Variants in PRPSAP1 observed in about 807,000 individuals in gnomAD.
The protein encoded by PRPSAP1 is phosphoribosyl pyrophosphate synthetase associated protein 1.
Under a neutral mutation model 39.4 loss-of-function variants are expected in PRPSAP1, and 31 were observed. The observed-to-expected ratio is 0.79, with a 90% confidence interval of 0.59 to 1.06. The LOEUF (loss-of-function observed/expected upper bound fraction) is 1.06. PRPSAP1 is among the 50% of genes least tolerant of loss of function. The pLI is 0.00. For missense variants in PRPSAP1, 430 were observed against 511.6 expected (o/e 0.84, Z 1.54); for synonymous variants, 212 against 192.6 (o/e 1.10, Z -0.83).
intron 3 of PRPSAP1, among the ~76,000 whole-genome samples, chr17:76,339,694 C>T (rs1326951663): frequency 1.3e-5 from 2 of 151,566 alleles, no homozygotes; most frequent in Non-Finnish European, 1.5e-5. Flanking sequence ...TCAGAAGTAC[C>T]CATTTATACC....
chr17:76,330,927 A>G (rs1167511671), intron 4 of PRPSAP1, among the ~76,000 whole-genome samples: 2 of 152,224 alleles, frequency 1.3e-5, no homozygotes, highest in Admixed American at 6.5e-5. Flanking sequence ...AAAATTGAGA[A>G]AAGAATAATG....
Position 76,353,669 on chromosome 17 carries a change from G to A in PRPSAP1, c.35C>T (p.Ser12Phe), listed in dbSNP as rs1180842670. The A allele has an allele frequency of 3.3e-6, 5 of 1,520,732 alleles. No individual in the cohort carries two copies. The East Asian group carries it at 1.1e-4, about 32-fold the overall frequency. The allele number at this position is 1,520,732 out of a possible 1,614,324, so 94.2% of individuals were successfully genotyped here. ...PKKLLLLPPP[S>F]ASSAFRVPRA... ...CGGGACGCGGAAAGCCGAGGACGCG[G>A]AGGGCGGGGGCAACAGCAGCAGCTT... is the stretch of plus-strand genomic sequence containing the variant. Residue 12 changes from serine to phenylalanine, a missense_variant, in exon 1 of 10, where the codon TCC (serine) becomes TTC (phenylalanine). Transcript: ENST00000446526.
chr17:76,344,566 AAT>A (rs2071475606), intron 3 of PRPSAP1, 103 bp downstream of exon 3: 3 of 1,055,632 alleles, frequency 2.8e-6, no homozygotes, highest in Non-Finnish European at 4.2e-6. Flanking sequence ...GCCCGGCCTG[AAT>A]ATATAACTTT....
chr17:76,335,466 C>T (rs996991162), intron 3 of PRPSAP1, among the ~76,000 whole-genome samples: 1 of 152,106 alleles, frequency 6.6e-6, no homozygotes, highest in Non-Finnish European at 1.5e-5. Context: ...AGCAATTCTC[C>T]TGCCTCAGCC....
At chr17:76,321,522 C>A (rs576833836) in intron 7 of PRPSAP1, among the ~76,000 whole-genome samples, 1 of 152,090 alleles carries the variant, frequency 6.6e-6, no homozygotes, top group Non-Finnish European at 1.5e-5. Context: ...CACACACACA[C>A]ACACGCACAA....
intron 3 of PRPSAP1, among the ~76,000 whole-genome samples, 157 bp downstream of exon 3, chr17:76,344,514 C>T (rs1218798349): frequency 1.3e-5 from 2 of 152,168 alleles, no homozygotes; most frequent in Non-Finnish European, 2.9e-5. Context: ...ATCCGCCCAC[C>T]TCGGCCTCCC....
intron 6 of PRPSAP1, 76 bp from the exon 7 acceptor site, chr17:76,328,938 TAA>T (rs2071286038): frequency 1.4e-6 from 2 of 1,461,334 alleles, no homozygotes; most frequent in African/African-American, 2.9e-5. Context: ...TTTTTAACCA[TAA>T]AATGAAAATA....
At chr17:76,341,719 C>T (rs912213186) in intron 3 of PRPSAP1, among the ~76,000 whole-genome samples, 4 of 152,176 alleles carry the variant, frequency 2.6e-5, no homozygotes, top group Non-Finnish European at 4.4e-5. Flanking sequence ...GCAGGCGGAT[C>T]ACGAGGTTAG....
In PRPSAP1 at chr17:76,328,839, A is replaced by G. The variant is rs138254065; in HGVS notation, c.659T>C (p.Leu220Pro). The G allele has an allele frequency of 1.4e-4, 234 of 1,614,026 alleles. 1 individual carries two copies. The African/African-American group carries it at 2.8e-3, about 19-fold the overall frequency. The change falls in exon 7 of 10, where the codon CTG (leucine) becomes CCG (proline). Residue 220 changes from leucine (L) to proline (P), a missense_variant. Leu to Pro is a moderately conservative substitution (Grantham distance 98). Coordinates refer to ENST00000446526, the MANE Select transcript of PRPSAP1 (RefSeq NM_002766.3). ...GTGAATGACGGCCAAACCCAGACGC[A>G]GTCTCTCCGCATAGGACTGGGCCCT... Reference protein sequence around the residue: ...AKRAQSYAERLRLGLAVIHGE... With the variant: ...AKRAQSYAERPRLGLAVIHGE...
At chr17:76,348,671 C>T (rs2071536771) in intron 1 of PRPSAP1, 90 bp from the exon 2 acceptor site, 1 of 962,704 alleles carries the variant, frequency 1.0e-6, no homozygotes, top group East Asian at 3.1e-5. Context: ...TAAAAAGACT[C>T]AAATAATTAA....
chr17:76,349,507 T>C (rs1200191159), intron 1 of PRPSAP1, among the ~76,000 whole-genome samples: 4 of 151,968 alleles, frequency 2.6e-5, no homozygotes, highest in Non-Finnish European at 4.4e-5. Flanking sequence ...ACGTCTGCAA[T>C]CCCAGCACTT....
chr17:76,313,679 C>A, intron 8 of PRPSAP1, 142 bp downstream of exon 8: 1 of 866,818 alleles, frequency 1.2e-6, no homozygotes, highest in Non-Finnish European at 1.8e-6. Context: ...GTTTCTGCCA[C>A]TTGGCACAAG....
chr17:76,352,484 A>G (rs1473577225), intron 1 of PRPSAP1, among the ~76,000 whole-genome samples: 1 of 151,924 alleles, frequency 6.6e-6, no homozygotes. Context: ...TCTCTACTAA[A>G]AATACAAAAA....
rs139711043 is a variant in PRPSAP1, at chr17:76,321,053, G to A, written c.782-7162C>T. 1.9e-4 allele frequency among the ~76,000 whole-genome samples: 29 copies of A among 152,148 alleles called. No homozygotes were observed. The East Asian group carries it at 5.2e-3, about 27-fold the overall frequency. The stretch of plus-strand genomic sequence containing the variant: ...GCACTTTGGCCTCCCAAAGTGTTGG[G>A]ACTACAGGCATGAGCCACCGTGCCC... On this transcript the variant is annotated intron_variant, in intron 7 of 9. Coordinates refer to ENST00000446526, the MANE Select transcript of PRPSAP1 (RefSeq NM_002766.3).
intron 3 of PRPSAP1, among the ~76,000 whole-genome samples, chr17:76,341,706 G>A (rs28463292): frequency 0.023 from 3,506 of 152,274 alleles, 133 homozygotes; most frequent in African/African-American, 0.08. Flanking sequence ...TTGGGAGGCC[G>A]AGGCAGGCGG....
chr17:76,310,564 C>T lies in PRPSAP1; in HGVS notation c.*978G>A, dbSNP rs936964243. On this transcript the variant is annotated 3_prime_UTR_variant, in exon 10 of 10. Coordinates refer to ENST00000446526, the MANE Select transcript of PRPSAP1 (RefSeq NM_002766.3). ...CACTGCAGCTTCAACCTCCTTGGCTCAGGCAATCCTCCCACCTCAGCCTCC... is the reference window on the plus strand; with the variant it reads ...CACTGCAGCTTCAACCTCCTTGGCTTAGGCAATCCTCCCACCTCAGCCTCC... The T allele has an allele frequency of 2.0e-5, 3 of 151,944 alleles. No individual in the cohort carries two copies. Among genetic ancestry groups the T allele is most frequent in the African/African-American group, 7.3e-5 (3 of 41,322 alleles). The allele number at this position is 151,944 out of a possible 1,614,324, so 9.4% of individuals were successfully genotyped here.
rs2071065983 is a variant in PRPSAP1, at chr17:76,311,079, A to T, written c.*463T>A. 1 of 152,524 alleles carries T rather than the reference A, an allele frequency of 6.6e-6. No individual in the cohort carries two copies. 9.4% of individuals were successfully genotyped at this position (152,524 alleles called of 1,614,324 possible). A position where few individuals can be genotyped will look rare whatever the true frequency, so the allele number is the denominator to read the frequency against. On this transcript the variant is annotated 3_prime_UTR_variant, in exon 10 of 10. Transcript: ENST00000446526. Reference sequence around the variant, plus strand: ...GTAGGCATAACAATTTCTGAAAGAAAAATACGATTCTCTATAAAAGACTTG... The same window carrying T: ...GTAGGCATAACAATTTCTGAAAGAATAATACGATTCTCTATAAAAGACTTG...
At position 76,309,597 on chromosome 17, in the gene PRPSAP1, C is replaced by A. The variant is rs2071047232; in HGVS notation, c.*1945G>T. The A allele has an allele frequency of 6.6e-6, 1 of 152,228 alleles. No individual in the cohort carries two copies. Among genetic ancestry groups the A allele is most frequent in the African/African-American group, 2.4e-5 (1 of 41,454 alleles). The allele number at this position is 152,228 out of a possible 1,614,324, so 9.4% of individuals were successfully genotyped here. ...ATGCATGGCCAGCCTCCTCCGTGAGCTCTGCATCTGCAGATTTAACCAACC... is the reference window on the plus strand; with the variant it reads ...ATGCATGGCCAGCCTCCTCCGTGAGATCTGCATCTGCAGATTTAACCAACC... On this transcript the variant is annotated 3_prime_UTR_variant, in exon 10 of 10. Transcript: ENST00000446526.
At chr17:76,318,527 T>C (rs1280549491) in intron 7 of PRPSAP1, among the ~76,000 whole-genome samples, 2 of 152,228 alleles carry the variant, frequency 1.3e-5, no homozygotes, top group Non-Finnish European at 2.9e-5. Context: ...TGAATATTTA[T>C]TCTGTCATAA....
Sources: gnomAD v4.1 joint callset for allele counts (sites outside exome capture counted in the v4.1 genomes callset) on GRCh38, gnomAD v4.1.1 for gene constraint, MANE v1.5 for transcripts, NCBI Gene and HGNC (gene_info 2026-07-23, HGNC 2026-07-21) for gene names.